The following ZNF589 variants were observed in gnomAD, a reference collection of about 807,000 sequenced individuals.
ZNF589 encodes zinc finger protein 589.
In ZNF589, 17 loss-of-function variants were observed where a neutral mutation model predicts 13.6. The observed-to-expected ratio is 1.25, with a 90% CI of 0.86 to 1.88. ZNF589 has a LOEUF of 1.88. Among genes scored for constraint, ZNF589 ranks in the 40% most tolerant of loss-of-function variants. ZNF589 has a pLI of 0.00. For missense variants in ZNF589, 407 were observed against 434.0 expected (o/e 0.94, Z 0.55); for synonymous variants, 148 against 161.6 (o/e 0.92, Z 0.64).
At chr3:48,249,194 C>T (rs1246531231) in intron 2 of ZNF589, among the ~76,000 whole-genome samples, 1 of 152,008 alleles carries the variant, frequency 6.6e-6, no homozygotes, top group Admixed American at 6.6e-5. Context: ...CCTCCGCCTC[C>T]TGGATTCAAG....
rs768238552 is a variant in ZNF589, at chr3:48,268,118, G to A, written c.427G>A (p.Glu143Lys). The change falls in exon 4 of 4, where the codon GAA becomes AAA. Residue 143 changes from glutamate (E) to lysine (K), a missense_variant. Physicochemically the swap from Glu to Lys is moderately conservative, Grantham distance 56. Coordinates refer to ENST00000354698, the MANE Select transcript of ZNF589 (RefSeq NM_016089.3). Reference sequence around the variant, plus strand: ...TAAAAATCACAGGGGGGCTGAAGCAGAAGATCAACGAGTGGAAGGAGGCGT... The same window carrying A: ...TAAAAATCACAGGGGGGCTGAAGCAAAAGATCAACGAGTGGAAGGAGGCGT... The part of the protein sequence containing the change: ...SDKNHRGAEA[E>K]DQRVEGGVRP... The A allele has an allele frequency of 2.5e-6, 4 of 1,614,202 alleles. No individual in the cohort carries two copies. The East Asian group carries it at 8.9e-5, about 36-fold the overall frequency.
rs771143260 is a variant in ZNF589 at position 48,268,678 on chromosome 3, G to GA, written c.990dup (p.Ser331IlefsTer13). On this transcript the variant is annotated frameshift_variant, in exon 4 of 4. Transcript: ENST00000354698. LOFTEE classifies it low-confidence loss of function (END_TRUNC). The stretch of plus-strand genomic sequence containing the variant: ...GACATCAGAGGACACACACAAGGGA[G>GA]AAATCGTTTATGTGCACAGTGTGTG... 9 of 1,613,908 alleles carry GA rather than the reference G, an allele frequency of 5.6e-6. No individual in the cohort carries two copies. The East Asian group carries it at 2.0e-4, about 36-fold the overall frequency.
chr3:48,245,327 A>G (rs1396640368), intron 1 of ZNF589, among the ~76,000 whole-genome samples: 1 of 151,908 alleles, frequency 6.6e-6, no homozygotes, highest in Non-Finnish European at 1.5e-5. Flanking sequence ...GCCCAGGTTG[A>G]TCTTGAACTT....
intron 3 of ZNF589, among the ~76,000 whole-genome samples, chr3:48,262,144 C>T (rs764652275): frequency 1.3e-5 from 2 of 152,070 alleles, no homozygotes; most frequent in Non-Finnish European, 2.9e-5. Flanking sequence ...CATGACATAC[C>T]ACTCCTTTAT....
At chr3:48,248,310 G>A (rs1222959678) in intron 2 of ZNF589, among the ~76,000 whole-genome samples, 4 of 152,188 alleles carry the variant, frequency 2.6e-5, no homozygotes, top group South Asian at 4.1e-4. Context: ...GAGGGATTAC[G>A]TGATTTATGC....
rs1243419170 is a variant in ZNF589 at position 48,270,864 on chromosome 3, C to G, written c.*2078C>G. ...TGCTTAGGGGAAGGGCTAGGGGTAC[C>G]TGGAATGTAGGATCTCCCCCATGCC... On this transcript the variant is annotated 3_prime_UTR_variant, in exon 4 of 4. Transcript: ENST00000354698. 5.9e-6 allele frequency: 1 copy of G among 168,096 alleles called. No homozygotes were observed. Among genetic ancestry groups the G allele is most frequent in the African/African-American group, 2.4e-5 (1 of 41,628 alleles). The allele number at this position is 168,096 out of a possible 1,614,324, so 10.4% of individuals were successfully genotyped here.
At chr3:48,266,170 C>T (rs541773257) in intron 3 of ZNF589, among the ~76,000 whole-genome samples, 4 of 152,260 alleles carry the variant, frequency 2.6e-5, no homozygotes, top group Admixed American at 6.5e-5. Flanking sequence ...TTGACTAGGC[C>T]TTTGAAGAAA....
chr3:48,260,753 C>T (rs1292043462), intron 2 of ZNF589, 60 bp from the exon 3 acceptor site: 2 of 1,609,660 alleles, frequency 1.2e-6, no homozygotes, highest in East Asian at 4.5e-5. Flanking sequence ...ACCACCAGTT[C>T]CATTTTCACT....
intron 2 of ZNF589, among the ~76,000 whole-genome samples, chr3:48,254,381 T>A (rs1370001045): frequency 6.6e-6 from 1 of 152,248 alleles, no homozygotes; most frequent in African/African-American, 2.4e-5. Flanking sequence ...TGTAGCTTTA[T>A]AATAAGTCTT....
intron 2 of ZNF589, chr3:48,256,882 T>C (rs947313619): frequency 1.0e-6 from 1 of 968,368 alleles, no homozygotes; most frequent in Non-Finnish European, 1.6e-6. Context: ...CTGGGCCTGC[T>C]AGGAGCCCAC....
At chr3:48,244,498 A>G (rs1209589502) in intron 1 of ZNF589, among the ~76,000 whole-genome samples, 2 of 152,136 alleles carry the variant, frequency 1.3e-5, no homozygotes, top group Admixed American at 1.3e-4. Context: ...GGATAGATAC[A>G]TAGTATAGGC....
At position 48,268,040 on chromosome 3, in the gene ZNF589, C is replaced by T. The variant is rs202136652; in HGVS notation, c.349C>T (p.His117Tyr). The change falls in exon 4 of 4, where the codon CAC (histidine) becomes TAC (tyrosine). Residue 117 changes from histidine to tyrosine, a missense_variant. By Grantham distance (83) the His-to-Tyr change is moderately conservative. Coordinates refer to ENST00000354698, the MANE Select transcript of ZNF589 (RefSeq NM_016089.3). ...IPGFHAGNQLHPGNPCPEDQP... is the reference protein window; with the variant it reads ...IPGFHAGNQLYPGNPCPEDQP... Reference sequence around the variant, plus strand: ...AGGTTTCCATGCAGGAAATCAACTCCACCCAGGAAATCCCTGCCCAGAGGA... The same window carrying T: ...AGGTTTCCATGCAGGAAATCAACTCTACCCAGGAAATCCCTGCCCAGAGGA... 11 of 1,614,112 alleles carry T rather than the reference C, an allele frequency of 6.8e-6. No individual in the cohort carries two copies. The highest frequency in any genetic ancestry group is 9.3e-6 in the Non-Finnish European group (11 of 1,180,068).
chr3:48,266,651 G>A (rs2034022154), intron 3 of ZNF589, among the ~76,000 whole-genome samples: 1 of 152,198 alleles, frequency 6.6e-6, no homozygotes, highest in Non-Finnish European at 1.5e-5. Context: ...GCAACATGGT[G>A]AACGCCGTCA....
At chr3:48,262,706 T>C (rs1434134592) in intron 3 of ZNF589, among the ~76,000 whole-genome samples, 1 of 152,094 alleles carries the variant, frequency 6.6e-6, no homozygotes, top group East Asian at 1.9e-4. Flanking sequence ...TCTCTCCTTC[T>C]TTTTTTCTTC....
At chr3:48,242,905 A>AAAAAT (rs757965109) in intron 1 of ZNF589, among the ~76,000 whole-genome samples, 6 of 151,402 alleles carry the variant, frequency 4.0e-5, no homozygotes, top group Admixed American at 3.3e-4. Context: ...TCTCTACTTT[A>AAAAAT]AAAATAAAAT....
Position 48,268,362 on chromosome 3 carries a change from T to G in ZNF589, c.671T>G (p.Phe224Cys), listed in dbSNP as rs758927114. ...ACGTTTGGGGAGTGTGCACTAGCTT[T>G]TAACCAGAAGTCAAACCTGTTCAGA... Reference protein sequence around the residue: ...AVTFGECALAFNQKSNLFRQK... With the variant: ...AVTFGECALACNQKSNLFRQK... The change falls in exon 4 of 4, where the codon TTT (phenylalanine) becomes TGT (cysteine). Residue 224 changes from phenylalanine to cysteine, a missense_variant. Coordinates refer to ENST00000354698, the MANE Select transcript of ZNF589 (RefSeq NM_016089.3). The G allele has an allele frequency of 2.5e-6, 4 of 1,614,162 alleles. No individual in the cohort carries two copies. The South Asian group carries it at 4.4e-5, about 18-fold the overall frequency.
At chr3:48,241,833 A>G (rs1008626732) in intron 1 of ZNF589, among the ~76,000 whole-genome samples, 1 of 151,074 alleles carries the variant, frequency 6.6e-6, no homozygotes, top group Non-Finnish European at 1.5e-5. Flanking sequence ...CCCGGAGTAT[A>G]TTATATTTTT....
At chr3:48,263,650 G>A (rs919770403) in intron 3 of ZNF589, among the ~76,000 whole-genome samples, 11 of 152,178 alleles carry the variant, frequency 7.2e-5, no homozygotes, top group Admixed American at 6.5e-5. Context: ...TCCCAGCTAC[G>A]CAGGAGGCTG....
intron 2 of ZNF589, among the ~76,000 whole-genome samples, chr3:48,259,178 G>A (rs553178356): frequency 6.6e-6 from 1 of 152,088 alleles, no homozygotes; most frequent in Non-Finnish European, 1.5e-5. Flanking sequence ...GTCCTCCCTC[G>A]TACACTGTGC....
Sources: allele counts gnomAD v4.1 joint callset (sites outside exome capture counted in the v4.1 genomes callset), GRCh38; gene constraint gnomAD v4.1.1; transcripts MANE v1.5; gene names NCBI Gene and HGNC (gene_info 2026-07-23, HGNC 2026-07-21).